BEND6: variants seen among roughly 807,000 people sequenced by gnomAD.
BEND6 encodes BEN domain-containing protein 6.
In BEND6, 24 loss-of-function variants were observed where a neutral mutation model predicts 31.8. The ratio of observed to expected loss-of-function variants is 0.75; its 90% CI spans 0.55 to 1.06. The LOEUF is 1.06. BEND6 is among the 50% of genes least tolerant of loss of function. The pLI, the probability that BEND6 is intolerant of heterozygous loss-of-function variation, is 0.00. For missense variants in BEND6, 294 were observed against 327.4 expected (o/e 0.90, Z 0.79); for synonymous variants, 109 against 114.6 (o/e 0.95, Z 0.31).
intron 4 of BEND6, among the ~76,000 whole-genome samples, chr6:57,016,077 A>G (rs1593026630): frequency 6.6e-6 from 1 of 152,182 alleles, no homozygotes; most frequent in South Asian, 2.1e-4. Flanking sequence ...AAGGATACCT[A>G]TGCATTCAGG....
intron 2 of BEND6, among the ~76,000 whole-genome samples, chr6:56,991,980 TTGTC>T (rs769902555): frequency 1.1e-4 from 17 of 152,202 alleles, no homozygotes; most frequent in Non-Finnish European, 7.3e-5. Context: ...ATTAAATCAT[TTGTC>T]TGTGTGTATT....
chr6:57,008,423 T>A, intron 3 of BEND6: 1 of 582,346 alleles, frequency 1.7e-6, no homozygotes, highest in Non-Finnish European at 3.1e-6. Context: ...GTCAAGGCAG[T>A]GCTGTGGAAA....
At chr6:57,024,445 C>A (rs1426661504) in intron 6 of BEND6, among the ~76,000 whole-genome samples, 1 of 151,914 alleles carries the variant, frequency 6.6e-6, no homozygotes, top group Non-Finnish European at 1.5e-5. Context: ...TTTTACATAT[C>A]CTTCGCATTT....
chr6:56,955,654 C>T (rs773830713), intron 1 of BEND6, among the ~76,000 whole-genome samples, 194 bp downstream of exon 1: 9 of 152,158 alleles, frequency 5.9e-5, no homozygotes, highest in Non-Finnish European at 1.0e-4. Flanking sequence ...GTGCTTATCT[C>T]GCAGCTAAGA....
chr6:56,978,229 C>G (rs1330007055), intron 1 of BEND6, among the ~76,000 whole-genome samples: 2 of 151,516 alleles, frequency 1.3e-5, no homozygotes, highest in Non-Finnish European at 2.9e-5. Flanking sequence ...GCTGCAGTGA[C>G]TTAGGATCAT....
At chr6:57,014,463 A>T in intron 3 of BEND6, 1 of 1,506,882 alleles carries the variant, frequency 6.6e-7, no homozygotes. Flanking sequence ...TGTCCTTAGG[A>T]AACAAACTAG....
chr6:56,985,117 T>C (rs1434916729), intron 2 of BEND6, among the ~76,000 whole-genome samples: 1 of 152,218 alleles, frequency 6.6e-6, no homozygotes, highest in Non-Finnish European at 1.5e-5. Context: ...AGGTGACTGT[T>C]GTACCAAATA....
chr6:57,006,220 AAC>A (rs988848468), intron 3 of BEND6, among the ~76,000 whole-genome samples: 1 of 152,222 alleles, frequency 6.6e-6, no homozygotes, highest in African/African-American at 2.4e-5. Flanking sequence ...AAGCATTCAG[AAC>A]AGAGCCTGGC....
intron 1 of BEND6, among the ~76,000 whole-genome samples, chr6:56,962,058 A>C (rs1825305464): frequency 4.6e-5 from 7 of 152,188 alleles, no homozygotes; most frequent in African/African-American, 1.7e-4. Flanking sequence ...TCATGAATGG[A>C]TTAATGCTGT....
At chr6:56,958,802 A>G (rs537145335) in intron 1 of BEND6, among the ~76,000 whole-genome samples, 1 of 152,262 alleles carries the variant, frequency 6.6e-6, no homozygotes, top group South Asian at 2.1e-4. Context: ...ATGGGAGTCT[A>G]AGGAGGGCAA....
intron 3 of BEND6, among the ~76,000 whole-genome samples, chr6:56,995,974 G>A (rs768120250): frequency 3.9e-5 from 6 of 152,104 alleles, no homozygotes; most frequent in Non-Finnish European, 7.4e-5. Context: ...CTGCTTTCCA[G>A]GATACCAAAA....
rs534455027 is a variant in BEND6 at position 57,023,348 on chromosome 6, T to C, written c.*10-2734T>C. On this transcript the variant is annotated intron_variant, in intron 6 of 6. Transcript: ENST00000370746. ...ATTTTAAACTATTATAGCCTCTTGCTGAAATGACTTCCTTATTATTATAAG... is the reference window on the plus strand; with the variant it reads ...ATTTTAAACTATTATAGCCTCTTGCCGAAATGACTTCCTTATTATTATAAG... Among the ~76,000 whole-genome samples the C allele has an allele frequency of 8.5e-5, 13 of 152,378 alleles. 2 individuals are homozygous for C. In the South Asian group the frequency reaches 2.5e-3, roughly 29 times the overall value.
At chr6:56,962,374 C>G (rs551845541) in intron 1 of BEND6, among the ~76,000 whole-genome samples, 1 of 152,180 alleles carries the variant, frequency 6.6e-6, no homozygotes, top group Non-Finnish European at 1.5e-5. Flanking sequence ...TCATCATGAT[C>G]ACATATTGTT....
At chr6:56,981,529 A>C (rs986654345) in intron 1 of BEND6, among the ~76,000 whole-genome samples, 182 bp from the exon 2 acceptor site, 1 of 152,206 alleles carries the variant, frequency 6.6e-6, no homozygotes, top group African/African-American at 2.4e-5. Context: ...AAAATATGAA[A>C]TTATTTATGA....
At chr6:56,994,038 T>C (rs1438642357) in intron 3 of BEND6, among the ~76,000 whole-genome samples, 1 of 152,222 alleles carries the variant, frequency 6.6e-6, no homozygotes, top group Non-Finnish European at 1.5e-5. Context: ...TTAAAACTGA[T>C]GTTTTCTTTT....
rs544278104 is a variant in BEND6 at position 56,987,688 on chromosome 6, A to G, written c.121-4690A>G. Among the ~76,000 whole-genome samples the G allele has an allele frequency of 6.6e-5, 10 of 152,228 alleles. No homozygotes were observed. The East Asian group carries it at 1.7e-3, about 26-fold the overall frequency. On this transcript the variant is annotated intron_variant, in intron 2 of 6. Coordinates refer to ENST00000370746, the MANE Select transcript of BEND6 (RefSeq NM_152731.3). ...CCCAGGCTCCTCCTCCATGCACCAG[A>G]ATGTCTTTTCTTTTACTGGGCAGTA... is the stretch of plus-strand genomic sequence containing the variant.
intron 2 of BEND6, among the ~76,000 whole-genome samples, chr6:56,986,816 T>G (rs968483740): frequency 1.2e-4 from 19 of 152,172 alleles, no homozygotes; most frequent in African/African-American, 4.3e-4. Context: ...AGGGTGTCCC[T>G]TGGTGTTACT....
At chr6:57,008,570 AAAAAAAG>A (rs1827241836) in intron 3 of BEND6, 1 of 219,158 alleles carries the variant, frequency 4.6e-6, no homozygotes, top group Admixed American at 5.8e-5. Context: ...ACCATCTCTT[AAAAAAAG>A]AAAAAAGAAA....
At chr6:56,973,932 C>T (rs1185930690) in intron 1 of BEND6, among the ~76,000 whole-genome samples, 1 of 151,938 alleles carries the variant, frequency 6.6e-6, no homozygotes, top group African/African-American at 2.4e-5. Context: ...TTTGTATTTT[C>T]TGTAGAGATG....
Sources: allele counts gnomAD v4.1 joint callset (sites outside exome capture counted in the v4.1 genomes callset), GRCh38; gene constraint gnomAD v4.1.1; transcripts MANE v1.5; gene names NCBI Gene and HGNC (gene_info 2026-07-23, HGNC 2026-07-21).